DLGAP2: variants seen among roughly 807,000 people sequenced by gnomAD.
The protein encoded by DLGAP2 is DLG associated protein 2.
DLGAP2 carries 26 observed loss-of-function variants against 100.3 expected under a neutral mutation model. The observed-to-expected ratio is 0.26, with a 90% CI of 0.19 to 0.36. The LOEUF (loss-of-function observed/expected upper bound fraction) is 0.36. Among genes scored for constraint, DLGAP2 ranks in the 10% least tolerant of loss-of-function variants. The pLI is 1.00. For missense variants in DLGAP2, 1,858 were observed against 1,453.2 expected, an observed-to-expected ratio of 1.28 and a Z score of -4.53; for synonymous variants, 886 against 630.1, an observed-to-expected ratio of 1.41 and a Z score of -6.08.
intron 3 of DLGAP2, among the ~76,000 whole-genome samples, chr8:1,386,196 A>G (rs76403356): frequency 0.016 from 2,393 of 152,348 alleles, 47 homozygotes; most frequent in African/African-American, 0.054. Flanking sequence ...AAGCTCTCAA[A>G]AGAGCATAGA....
chr8:834,995 CAT>C (rs771136943), intron 1 of DLGAP2, among the ~76,000 whole-genome samples: 14 of 152,290 alleles, frequency 9.2e-5, no homozygotes, highest in Admixed American at 2.6e-4. Flanking sequence ...TTAGTGTGCA[CAT>C]GTCTACATTA....
intron 2 of DLGAP2, among the ~76,000 whole-genome samples, chr8:1,038,741 G>A (rs1802204921): frequency 6.6e-6 from 1 of 152,166 alleles, no homozygotes; most frequent in Non-Finnish European, 1.5e-5. Flanking sequence ...TATGACAGTA[G>A]GTGAGGGTCA....
intron 10 of DLGAP2, among the ~76,000 whole-genome samples, chr8:1,673,691 C>T (rs1225618162): frequency 2.6e-5 from 4 of 152,192 alleles, no homozygotes; most frequent in Admixed American, 2.6e-4. Flanking sequence ...CATCAGTTAA[C>T]TGAGGCATTG....
rs143812630 is a variant in DLGAP2, at chr8:1,127,562, C to G, written c.74-131289C>G. On this transcript the variant is annotated intron_variant, in intron 2 of 14. Transcript: ENST00000637795. The stretch of plus-strand genomic sequence containing the variant: ...ACCACTTGGCTGACCCTCCTGCATC[C>G]GATGGACATTGCTGAAGTGGCCTCA... 2.0e-3 allele frequency among the ~76,000 whole-genome samples: 308 copies of G among 152,314 alleles called. 2 individuals are homozygous for G. The highest frequency in any genetic ancestry group is 6.9e-3 in the African/African-American group (287 of 41,576).
Position 1,481,368 on chromosome 8 carries a change from T to G in DLGAP2, c.107-19998T>G, listed in dbSNP as rs542249573. On this transcript the variant is annotated intron_variant, in intron 3 of 14. Coordinates refer to ENST00000637795, the MANE Select transcript of DLGAP2 (RefSeq NM_001346810.2). ...GCCTGGAGGTGGAGATAGAAAGATT[T>G]ACACTTTTCTTTCCAATGGCAAAGC... Among the ~76,000 whole-genome samples, 3 of 151,934 alleles carry G rather than the reference T, an allele frequency of 2.0e-5. No homozygotes were observed. In the East Asian group the frequency reaches 5.8e-4, roughly 29 times the overall value.
intron 6 of DLGAP2, among the ~76,000 whole-genome samples, chr8:1,570,750 A>G (rs1169746456): frequency 1.5e-5 from 2 of 130,992 alleles, no homozygotes; most frequent in Non-Finnish European, 3.2e-5. Context: ...TCTGGGATGG[A>G]GAGGAGAGGG....
intron 4 of DLGAP2, 26 bp downstream of exon 4, chr8:1,501,457 C>T (rs1276927914): frequency 4.4e-5 from 68 of 1,534,524 alleles, no homozygotes; most frequent in Non-Finnish European, 4.6e-5. Context: ...CAGCCCCGCT[C>T]TGGCGGGGCC....
chr8:1,091,889 C>T (rs975393581), intron 2 of DLGAP2, among the ~76,000 whole-genome samples: 2 of 152,028 alleles, frequency 1.3e-5, no homozygotes, highest in African/African-American at 4.8e-5. Flanking sequence ...TTTTCCTCTT[C>T]TCTAACGCAC....
chr8:1,613,857 A>G (rs1384521146), intron 6 of DLGAP2, among the ~76,000 whole-genome samples: 5 of 152,206 alleles, frequency 3.3e-5, no homozygotes, highest in African/African-American at 1.2e-4. Flanking sequence ...TCATAGAGAA[A>G]GATTAGCAAA....
chr8:1,444,833 G>A (rs1328971387), intron 3 of DLGAP2, among the ~76,000 whole-genome samples: 1 of 137,996 alleles, frequency 7.2e-6, no homozygotes, highest in East Asian at 2.1e-4. Context: ...AGGCTGGAGT[G>A]CAGTGGCGTG....
chr8:1,347,888 G>C (rs1242923561), intron 3 of DLGAP2, among the ~76,000 whole-genome samples: 1 of 151,186 alleles, frequency 6.6e-6, no homozygotes, highest in Non-Finnish European at 1.5e-5. Flanking sequence ...GCTGTGTGGA[G>C]GTTGAGTTCC....
chr8:768,586 G>A (rs1351676542), intron 1 of DLGAP2, among the ~76,000 whole-genome samples: 2 of 151,610 alleles, frequency 1.3e-5, no homozygotes, highest in Admixed American at 1.3e-4. Context: ...CACCATGCCC[G>A]GCTAATTTTT....
intron 2 of DLGAP2, among the ~76,000 whole-genome samples, chr8:1,154,019 T>G (rs149759460): frequency 1.9e-4 from 29 of 152,114 alleles, no homozygotes; most frequent in African/African-American, 7.0e-4. Flanking sequence ...AATAACTTTA[T>G]TGAAAGGAAG....
chr8:1,287,423 G>C (rs969378363), intron 3 of DLGAP2, among the ~76,000 whole-genome samples: 2 of 135,470 alleles, frequency 1.5e-5, no homozygotes, highest in African/African-American at 2.8e-5. Context: ...TTGGTTCAGC[G>C]TGTGTGTGTG....
intron 4 of DLGAP2, among the ~76,000 whole-genome samples, chr8:1,547,673 G>A (rs1350801776): frequency 6.6e-6 from 1 of 152,208 alleles, no homozygotes; most frequent in Non-Finnish European, 1.5e-5. Flanking sequence ...CCCCTTGGTG[G>A]CTCAGTGGCC....
intron 1 of DLGAP2, among the ~76,000 whole-genome samples, chr8:799,016 G>A (rs1796094180): frequency 6.6e-6 from 1 of 152,332 alleles, no homozygotes; most frequent in Non-Finnish European, 1.5e-5. Context: ...ATTTCAGGTC[G>A]CTGGGGACAG....
intron 2 of DLGAP2, among the ~76,000 whole-genome samples, chr8:1,136,488 C>T (rs1273593387): frequency 1.6e-4 from 24 of 152,198 alleles, no homozygotes; most frequent in Admixed American, 1.5e-3. Flanking sequence ...GTCAGGCTGG[C>T]TCTGCATAAT....
chr8:1,297,742 C>T (rs1290219183), intron 3 of DLGAP2, among the ~76,000 whole-genome samples: 1 of 117,528 alleles, frequency 8.5e-6, no homozygotes, highest in Non-Finnish European at 1.8e-5. Flanking sequence ...GAACAGACAC[C>T]ATGTGAGACG....
chr8:758,075 A>C (rs1343724512), intron 1 of DLGAP2, among the ~76,000 whole-genome samples: 1 of 152,148 alleles, frequency 6.6e-6, no homozygotes, highest in African/African-American at 2.4e-5. Flanking sequence ...TTCACCACTT[A>C]CCATATGTGG....
Sources: gnomAD v4.1 joint callset for allele counts (sites outside exome capture counted in the v4.1 genomes callset) on GRCh38, gnomAD v4.1.1 for gene constraint, MANE v1.5 for transcripts, NCBI Gene and HGNC (gene_info 2026-07-23, HGNC 2026-07-21) for gene names.